The following RAPGEF3 variants were observed in gnomAD, a reference collection of about 807,000 sequenced individuals.
RAPGEF3 encodes 9330170P05Rik.
In RAPGEF3, 103 loss-of-function variants were observed where a neutral mutation model predicts 129.8. The ratio of observed to expected loss-of-function variants is 0.79; its 90% CI spans 0.68 to 0.93. RAPGEF3 has a LOEUF of 0.93. RAPGEF3 is among the 40% of genes least tolerant of loss of function. The probability of loss-of-function intolerance (pLI) is 0.00; values close to 1 mark genes in which losing one functional copy is unlikely to be tolerated. For synonymous variants in RAPGEF3, 436 were observed against 482.6 expected, an observed-to-expected ratio of 0.90 and a Z score of 1.26; for missense variants, 1,117 against 1,207.4, an observed-to-expected ratio of 0.93 and a Z score of 1.11.
rs373150406 is a variant in RAPGEF3, at chr12:47,740,163, T to C, written c.2351A>G (p.Tyr784Cys). The stretch of plus-strand genomic sequence containing the variant: ...CACCAGCAGCCTCTCGAGGGCGGAG[T>C]ACAGCTTCCGGACTTTGTGAGGCAG... Reference protein sequence around the residue: ...ERLPHKVRKLYSALERLLDPS... With the variant: ...ERLPHKVRKLCSALERLLDPS... The change falls in exon 23 of 28, where the codon TAC becomes TGC. Residue 784 changes from tyrosine (Y) to cysteine (C), a missense_variant. Tyr to Cys is a radical substitution (Grantham distance 194). Around this residue, in one of 3 missense-constraint regions of RAPGEF3, gnomAD observed 643 missense variants for 673.4 expected, o/e 0.95. Coordinates refer to ENST00000449771, the MANE Select transcript of RAPGEF3 (RefSeq NM_001098531.4). The C allele has an allele frequency of 2.0e-5, 33 of 1,612,610 alleles. No homozygotes were observed. Among genetic ancestry groups the C allele is most frequent in the African/African-American group, 4.0e-5 (3 of 74,600 alleles).
chr12:47,748,783 G>A lies in RAPGEF3; in HGVS notation c.1154+36C>T, dbSNP rs1463088905. 3.5e-6 allele frequency: 5 copies of A among 1,419,856 alleles called. No individual in the cohort carries two copies. The East Asian group carries it at 6.8e-5, about 19-fold the overall frequency. 88.0% of individuals were successfully genotyped at this position (1,419,856 alleles called of 1,614,324 possible). On this transcript the variant is annotated intron_variant, in intron 11 of 27. Transcript: ENST00000449771. ...AGCAAAGATTGGGAAATGAAAGGAG[G>A]GACAGTGTGGAGAGGGAGCATGGCA... is the stretch of plus-strand genomic sequence containing the variant.
chr12:47,740,844 AG>A lies in RAPGEF3; in HGVS notation c.2050-22del, dbSNP rs1381047661. ...TCCACCTGGGTGGGGTCAGCAGGAG[AG>A]GTCAGCGAGTGCTGAGCCGAGCCGG... On this transcript the variant is annotated intron_variant, in intron 20 of 27. Coordinates refer to ENST00000449771, the MANE Select transcript of RAPGEF3 (RefSeq NM_001098531.4). 6 of 1,613,472 alleles carry A rather than the reference AG, an allele frequency of 3.7e-6. No individual in the cohort carries two copies. In the African/African-American group the frequency reaches 6.7e-5, roughly 18 times the overall value.
At position 47,751,507 on chromosome 12, in the gene RAPGEF3, C is replaced by T. The variant is rs1157565224; in HGVS notation, c.394G>A (p.Gly132Ser). The T allele has an allele frequency of 6.2e-7, 1 of 1,614,104 alleles. No homozygotes were observed. Residue 132 changes from glycine (G) to serine (S), a missense_variant, in exon 5 of 28, where the codon GGC (glycine) becomes AGC (serine). Around this residue, in one of 3 missense-constraint regions of RAPGEF3, gnomAD observed 367 missense variants for 373.4 expected, o/e 0.98. Transcript: ENST00000449771. ...AAGATCCCATCCACCAGCTCCCGGCCAGAGCAGCACTGCCTATGGAAGGTA... is the reference window on the plus strand; with the variant it reads ...AAGATCCCATCCACCAGCTCCCGGCTAGAGCAGCACTGCCTATGGAAGGTA... ...HLRLYRQCCSGRELVDGILAL... is the reference protein window; with the variant it reads ...HLRLYRQCCSSRELVDGILAL...
chr12:47,758,111 G>T (rs1338101552), intron 1 of RAPGEF3, 33 bp from the exon 2 acceptor site: 5 of 1,541,256 alleles, frequency 3.2e-6, no homozygotes, highest in Admixed American at 2.0e-5. Flanking sequence ...GACAGCCATG[G>T]GACACGACTG....
At position 47,758,005 on chromosome 12, in the gene RAPGEF3, C is replaced by G. The variant is rs376741096; in HGVS notation, c.80G>C (p.Arg27Pro). The G allele has an allele frequency of 6.4e-7, 1 of 1,574,278 alleles. No homozygotes were observed. The highest frequency in any genetic ancestry group is 8.6e-7 in the Non-Finnish European group (1 of 1,159,718). ...CACCACGTCAGGGAGGGCTCCCACC[C>G]GCGGTGCTCCCAGAGCTGGGCTATC... ...VEDSPALGAP[R>P]VGALPDVVPE... Residue 27 changes from arginine to proline, a missense_variant, in exon 2 of 28, where the codon CGG (arginine) becomes CCG (proline). Arg to Pro is a moderately radical substitution (Grantham distance 103). Coordinates refer to ENST00000449771, the MANE Select transcript of RAPGEF3 (RefSeq NM_001098531.4).
rs767296261 is a variant in RAPGEF3, at chr12:47,748,509, G to A, written c.1188C>T (p.Ile396=). 6.2e-7 allele frequency: 1 copy of A among 1,613,952 alleles called. No homozygotes were observed. Among genetic ancestry groups the A allele is most frequent in the Non-Finnish European group, 8.5e-7 (1 of 1,179,948 alleles). The stretch of plus-strand genomic sequence containing the variant: ...CCATGGCCTCCAACAGAAGCTCTAG[G>A]ATCTTCTCTGGGGTGCCAGACATCA... ...YTVMSGTPEK[I]LELLLEAMGP... Residue 396 remains isoleucine (I), a synonymous_variant, in exon 12 of 28, where the codon ATC becomes ATT. Transcript: ENST00000449771.
intron 6 of RAPGEF3, 45 bp downstream of exon 6, chr12:47,751,003 G>A (rs1941706347): frequency 3.2e-6 from 5 of 1,571,924 alleles, no homozygotes; most frequent in Admixed American, 1.9e-5. Flanking sequence ...AAATCTGAGT[G>A]CTGTGTGAGG....
At chr12:47,739,930 C>A in intron 23 of RAPGEF3, 1 of 625,588 alleles carries the variant, frequency 1.6e-6, no homozygotes, top group Non-Finnish European at 2.9e-6. Context: ...ATGCACCGTG[C>A]AACCCCTATC....
intron 19 of RAPGEF3, 163 bp downstream of exon 19, chr12:47,741,342 T>A: frequency 1.4e-6 from 1 of 723,900 alleles, no homozygotes; most frequent in African/African-American, 1.8e-5. Flanking sequence ...TCTTGGGAAT[T>A]CCCCCATCAG....
intron 13 of RAPGEF3, 21 bp from the exon 14 acceptor site, chr12:47,747,883 C>G: frequency 6.2e-7 from 1 of 1,600,054 alleles, no homozygotes; most frequent in Non-Finnish European, 8.5e-7. Flanking sequence ...GTCAAGGGAA[C>G]CACAACATCC....
In RAPGEF3 at chr12:47,751,905, C is replaced by T; in HGVS notation, c.273+11G>A. ...CTGCCTGTCCCAGCTCCACCCTGCC[C>T]AGGCTTCTACCTGCTCCAGGCTCTC... On this transcript the variant is annotated intron_variant, in intron 3 of 27. Transcript: ENST00000449771. 6.2e-7 allele frequency: 1 copy of T among 1,614,128 alleles called. No homozygotes were observed. The highest frequency in any genetic ancestry group is 8.5e-7 in the Non-Finnish European group (1 of 1,179,996).
intron 2 of RAPGEF3, among the ~76,000 whole-genome samples, chr12:47,757,526 G>A (rs1027425663): frequency 6.6e-6 from 1 of 152,010 alleles, no homozygotes; most frequent in African/African-American, 2.4e-5. Flanking sequence ...CCATTGACCC[G>A]GCCCCCATAC....
chr12:47,749,709 G>A lies in RAPGEF3; in HGVS notation c.894+32C>T. On this transcript the variant is annotated intron_variant, in intron 9 of 27. Transcript: ENST00000449771. This position sits in a 1 kb window ranked among gnomAD's most constrained non-coding sequence, Gnocchi z 4.5. Reference sequence around the variant, plus strand: ...TGGACCAGGGAGCAGTTAGGACCCAGGGCACTGGGGTGGGGAGGAGGGAGG... The same window carrying A: ...TGGACCAGGGAGCAGTTAGGACCCAAGGCACTGGGGTGGGGAGGAGGGAGG... 1.2e-6 allele frequency: 2 copies of A among 1,612,756 alleles called. No homozygotes were observed. Among genetic ancestry groups the A allele is most frequent in the Non-Finnish European group, 1.7e-6 (2 of 1,178,914 alleles).
chr12:47,736,754 T>C lies in RAPGEF3; in HGVS notation c.*813A>G, dbSNP rs533469686. 6.6e-6 allele frequency: 1 copy of C among 152,488 alleles called. No homozygotes were observed. The highest frequency in any genetic ancestry group is 1.9e-4 in the East Asian group (1 of 5,184). 9.4% of individuals were successfully genotyped at this position (152,488 alleles called of 1,614,324 possible). ...GCGGGGATTGCAGTTGGGAAGAAGCTGTCAGTTGCATCTGGACTGTAAAGT... is the reference window on the plus strand; with the variant it reads ...GCGGGGATTGCAGTTGGGAAGAAGCCGTCAGTTGCATCTGGACTGTAAAGT... On this transcript the variant is annotated 3_prime_UTR_variant, in exon 28 of 28. Transcript: ENST00000449771.
intron 15 of RAPGEF3, among the ~76,000 whole-genome samples, chr12:47,747,221 A>G (rs1941473321): frequency 6.6e-6 from 1 of 152,218 alleles, no homozygotes; most frequent in Non-Finnish European, 1.5e-5. Flanking sequence ...AGGTGAAGGT[A>G]AAGTCTAGGA....
chr12:47,738,864 C>T, intron 24 of RAPGEF3, 110 bp from the exon 25 acceptor site: 1 of 993,802 alleles, frequency 1.0e-6, no homozygotes, highest in Non-Finnish European at 1.6e-6. Flanking sequence ...CCCATAGAGC[C>T]CCTGCCTCTG....
At chr12:47,744,221 CAGGTA>C in intron 16 of RAPGEF3, 153 bp from the exon 17 acceptor site, 1 of 644,754 alleles carries the variant, frequency 1.6e-6, no homozygotes, top group East Asian at 2.8e-5. Flanking sequence ...CACCTGAGCT[CAGGTA>C]AGGCACCTGG....
chr12:47,747,775 G>C lies in RAPGEF3; in HGVS notation c.1410C>G (p.Ser470Arg), dbSNP rs997986601. The change falls in exon 14 of 28, where the codon AGC (serine) becomes AGG (arginine). Residue 470 changes from serine to arginine, a missense_variant. By Grantham distance (110) the Ser-to-Arg change is moderately radical (BLOSUM62 -1). Coordinates refer to ENST00000449771, the MANE Select transcript of RAPGEF3 (RefSeq NM_001098531.4). ...NKRQQILRLV[S>R]QWVALYGSML... ...TGGAGCCATACAGGGCCACCCACTG[G>C]CTGACCAGCCGCAAGATCTGCTGCC... 1 of 1,608,486 alleles carries C rather than the reference G, an allele frequency of 6.2e-7. No homozygotes were observed. Among genetic ancestry groups the C allele is most frequent in the Admixed American group, 1.7e-5 (1 of 60,022 alleles).
chr12:47,754,216 C>T (rs572626564), intron 2 of RAPGEF3, among the ~76,000 whole-genome samples: 3 of 152,376 alleles, frequency 2.0e-5, no homozygotes, highest in South Asian at 2.1e-4. Flanking sequence ...TATGCCCTAC[C>T]GTCTTCCATT....
Sources: allele counts gnomAD v4.1 joint callset (sites outside exome capture counted in the v4.1 genomes callset), GRCh38; gene constraint gnomAD v4.1.1; regional missense constraint gnomAD v4.1.1; non-coding constraint Gnocchi (gnomAD v3.1); transcripts MANE v1.5; gene names NCBI Gene and HGNC (gene_info 2026-07-23, HGNC 2026-07-21).